Variants in ACSM2B observed in about 807,000 individuals in gnomAD.
ACSM2B encodes the protein acyl-coenzyme A synthetase ACSM2B, mitochondrial.
ACSM2B carries 58 observed loss-of-function variants against 78.6 expected under a neutral mutation model. The ratio of observed to expected loss-of-function variants is 0.74; its 90% CI spans 0.60 to 0.92. The LOEUF (loss-of-function observed/expected upper bound fraction) is 0.92. ACSM2B is among the 40% of genes least tolerant of loss of function. The probability of loss-of-function intolerance (pLI) is 0.00; values close to 1 mark genes in which losing one functional copy is unlikely to be tolerated. For missense variants in ACSM2B, 688 were observed against 711.2 expected, an observed-to-expected ratio of 0.97 and a Z score of 0.37; for synonymous variants, 257 against 256.8, an observed-to-expected ratio of 1.00 and a Z score of -0.01.
intron 3 of ACSM2B, among the ~76,000 whole-genome samples, chr16:20,558,199 C>T (rs2015535548): frequency 6.6e-6 from 1 of 152,034 alleles, no homozygotes. Context: ...TCTGATGGAC[C>T]AGCTTGCACT....
intron 1 of ACSM2B, among the ~76,000 whole-genome samples, chr16:20,568,087 C>A (rs1371067486): frequency 7.0e-6 from 1 of 141,952 alleles, no homozygotes; most frequent in East Asian, 2.0e-4. Context: ...TACTATACTG[C>A]CTTCACAGAA....
chr16:20,537,214 A>G lies in ACSM2B; in HGVS notation c.*44T>C, dbSNP rs1241797286. On this transcript the variant is annotated 3_prime_UTR_variant, in exon 14 of 14. Transcript: ENST00000329697. ...AGGCCAAGGGCCCAAAGGGAAAAGAAAGAGAAAGAAGAGGGGAATCCAAAT... is the reference window on the plus strand; with the variant it reads ...AGGCCAAGGGCCCAAAGGGAAAAGAGAGAGAAAGAAGAGGGGAATCCAAAT... The G allele has an allele frequency of 6.2e-7, 1 of 1,606,638 alleles. No individual in the cohort carries two copies. The highest frequency in any genetic ancestry group is 8.5e-7 in the Non-Finnish European group (1 of 1,173,458).
At chr16:20,567,959 A>T (rs914858349) in intron 1 of ACSM2B, among the ~76,000 whole-genome samples, 6 of 143,550 alleles carry the variant, frequency 4.2e-5, no homozygotes, top group Middle Eastern at 3.3e-3. Context: ...GTACATATTT[A>T]AAAATATTTT....
At chr16:20,546,334 T>C (rs916218105) in intron 9 of ACSM2B, 60 bp downstream of exon 9, 64 of 1,560,022 alleles carry the variant, frequency 4.1e-5, no homozygotes, top group African/African-American at 1.4e-5. Flanking sequence ...ATGGAAAACA[T>C]AAATTACTGA....
chr16:20,556,601 C>CA lies in ACSM2B; in HGVS notation c.389-1126dup, dbSNP rs575067862. ...TGGACTACAGAGGGAGACTCCATCT[C>CA]AAAAAAATAAAAGAAAAAGAAAAGA... is the stretch of plus-strand genomic sequence containing the variant. On this transcript the variant is annotated intron_variant, in intron 3 of 13. Transcript: ENST00000329697. Among the ~76,000 whole-genome samples the CA allele has an allele frequency of 9.5e-4, 144 of 152,124 alleles. 1 individual carries two copies. Among genetic ancestry groups the CA allele is most frequent in the African/African-American group, 3.3e-3 (136 of 41,508 alleles).
intron 6 of ACSM2B, among the ~76,000 whole-genome samples, chr16:20,551,017 C>A (rs2015295164): frequency 1.3e-5 from 2 of 152,090 alleles, no homozygotes; most frequent in African/African-American, 4.8e-5. Context: ...GCTAAAAGAA[C>A]AAACATCTGA....
intron 12 of ACSM2B, chr16:20,541,456 T>C (rs1284536022): frequency 6.6e-6 from 1 of 152,128 alleles, no homozygotes; most frequent in African/African-American, 2.4e-5. Flanking sequence ...GGTCTTTCTT[T>C]TTCCCTTTAT....
At chr16:20,546,593 G>T in intron 8 of ACSM2B, 119 bp from the exon 9 acceptor site, 3 of 1,404,324 alleles carry the variant, frequency 2.1e-6, no homozygotes, top group Non-Finnish European at 2.8e-6. Flanking sequence ...GCACTTGGTG[G>T]CTCCCCCTGC....
chr16:20,571,121 A>T (rs1430185095), intron 1 of ACSM2B, among the ~76,000 whole-genome samples: 1 of 150,832 alleles, frequency 6.6e-6, no homozygotes, highest in African/African-American at 2.4e-5. Context: ...TTTGGGTTTG[A>T]TTTGTTCTTG....
rs570869171 is a variant in ACSM2B at position 20,568,860 on chromosome 16, T to A, written c.-8-4007A>T. Among the ~76,000 whole-genome samples, 50 of 152,126 alleles carry A rather than the reference T, an allele frequency of 3.3e-4. No individual in the cohort carries two copies. In the South Asian group the frequency reaches 0.01, roughly 31 times the overall value. ...TTCATATGTATGCTGGATCTTCTTT[T>A]GAGAATTGTCTATTCGTATCCTTAG... On this transcript the variant is annotated intron_variant, in intron 1 of 13. Coordinates refer to ENST00000329697, the MANE Select transcript of ACSM2B (RefSeq NM_001105069.2).
At chr16:20,564,879 T>C in intron 1 of ACSM2B, 26 bp from the exon 2 acceptor site, 1 of 1,582,664 alleles carries the variant, frequency 6.3e-7, no homozygotes, top group Non-Finnish European at 8.6e-7. Context: ...GAGACACAGG[T>C]AAGAGCTTCT....
chr16:20,569,052 A>C (rs1168941193), intron 1 of ACSM2B, among the ~76,000 whole-genome samples: 2 of 151,874 alleles, frequency 1.3e-5, no homozygotes, highest in African/African-American at 2.4e-5. Context: ...CGCCATACAA[A>C]AGCTCTTTAG....
At chr16:20,548,206 T>C in intron 7 of ACSM2B, 21 bp from the exon 8 acceptor site, 1 of 1,613,908 alleles carries the variant, frequency 6.2e-7, no homozygotes, top group Non-Finnish European at 8.5e-7. Flanking sequence ...GAAATAAATG[T>C]TTGCCCTCAG....
In ACSM2B at chr16:20,553,763, A is replaced by G. The variant is rs1407511208; in HGVS notation, c.740+14T>C. ...GTCATGCAATTCTCTGTAGAGAGAA[A>G]GAGCTCAGCTTACCCAGCATCCATC... is the stretch of plus-strand genomic sequence containing the variant. On this transcript the variant is annotated intron_variant, in intron 5 of 13. Transcript: ENST00000329697. 3 of 1,606,816 alleles carry G rather than the reference A, an allele frequency of 1.9e-6. No homozygotes were observed. The highest frequency in any genetic ancestry group is 2.7e-5 in the African/African-American group (2 of 74,764).
At position 20,540,288 on chromosome 16, in the gene ACSM2B, G is replaced by C. The variant is rs546371696; in HGVS notation, c.1629+366C>G. Among the ~76,000 whole-genome samples, 105 of 150,548 alleles carry C rather than the reference G, an allele frequency of 7.0e-4. 2 individuals are homozygous for C. The highest frequency in any genetic ancestry group is 2.2e-3 in the Admixed American group (33 of 15,104). ...GACAGGGTCTCACTCTGTCACTTAG[G>C]CTGGAGTGCAGTGGCATGATCTCGG... On this transcript the variant is annotated intron_variant, in intron 13 of 13. Transcript: ENST00000329697.
intron 10 of ACSM2B, chr16:20,544,782 G>A (rs2015088485): frequency 6.1e-6 from 6 of 991,118 alleles, no homozygotes; most frequent in Non-Finnish European, 7.2e-6. Context: ...GCCTGGCATG[G>A]CTCTAAAGAA....
intron 10 of ACSM2B, among the ~76,000 whole-genome samples, chr16:20,543,470 G>A (rs1369179219): frequency 1.3e-5 from 2 of 152,190 alleles, no homozygotes; most frequent in African/African-American, 2.4e-5. Flanking sequence ...TCCACCCAGG[G>A]TGTCTCAGCT....
chr16:20,545,378 G>T, intron 9 of ACSM2B, 120 bp from the exon 10 acceptor site: 1 of 1,220,936 alleles, frequency 8.2e-7, no homozygotes, highest in Non-Finnish European at 1.1e-6. Flanking sequence ...GACTGAAAAC[G>T]ACAACCAAAA....
chr16:20,537,209 A>G lies in ACSM2B; in HGVS notation c.*49T>C. ...TAGTAAGGCCAAGGGCCCAAAGGGAAAAGAAAGAGAAAGAAGAGGGGAATC... is the reference window on the plus strand; with the variant it reads ...TAGTAAGGCCAAGGGCCCAAAGGGAGAAGAAAGAGAAAGAAGAGGGGAATC... On this transcript the variant is annotated 3_prime_UTR_variant, in exon 14 of 14. Transcript: ENST00000329697. 6.2e-7 allele frequency: 1 copy of G among 1,604,062 alleles called. No individual in the cohort carries two copies. The highest frequency in any genetic ancestry group is 2.2e-5 in the East Asian group (1 of 44,784).
Sources: allele counts gnomAD v4.1 joint callset (sites outside exome capture counted in the v4.1 genomes callset), GRCh38; gene constraint gnomAD v4.1.1; transcripts MANE v1.5; gene names NCBI Gene and HGNC (gene_info 2026-07-23, HGNC 2026-07-21).